The following HSCB variants were observed in gnomAD, a reference collection of about 807,000 sequenced individuals.
HSCB encodes HscB mitochondrial iron-sulfur cluster cochaperone.
HSCB carries 23 observed loss-of-function variants against 31.3 expected under a neutral mutation model. The observed-to-expected ratio is 0.74, with a 90% CI of 0.53 to 1.04. The LOEUF (loss-of-function observed/expected upper bound fraction) is 1.04. Ranked by LOEUF, HSCB falls within the 50% of genes least tolerant of loss-of-function variation. The pLI is 0.00. For synonymous variants in HSCB, 110 were observed against 104.5 expected (o/e 1.05, Z -0.32); for missense variants, 297 against 288.1 (o/e 1.03, Z -0.22).
chr22:28,755,310 T>C (rs1601406764), intron 5 of HSCB, among the ~76,000 whole-genome samples: 2 of 151,892 alleles, frequency 1.3e-5, no homozygotes, highest in East Asian at 4.0e-4. Flanking sequence ...CTCAGGAGGC[T>C]GAGGCAGGAG....
At position 28,753,872 on chromosome 22, in the gene HSCB, C is replaced by T. The variant is rs185869590; in HGVS notation, c.616+2584C>T. On this transcript the variant is annotated intron_variant, in intron 5 of 5. Transcript: ENST00000216027. Reference sequence around the variant, plus strand: ...AGAAATTCTGACACAGGACCGGGCGCGGTGGCTCACGCCTGTAATCCTAGC... The same window carrying T: ...AGAAATTCTGACACAGGACCGGGCGTGGTGGCTCACGCCTGTAATCCTAGC... Among the ~76,000 whole-genome samples, 260 of 151,752 alleles carry T rather than the reference C, an allele frequency of 1.7e-3. 2 individuals carry two copies. The highest frequency in any genetic ancestry group is 6.0e-3 in the African/African-American group (247 of 41,396).
chr22:28,745,009 A>C (rs1205581843), intron 3 of HSCB, among the ~76,000 whole-genome samples: 3 of 150,154 alleles, frequency 2.0e-5, no homozygotes, highest in Non-Finnish European at 4.4e-5. Flanking sequence ...CTTGAGCCTG[A>C]GAGGTCAAGG....
intron 4 of HSCB, among the ~76,000 whole-genome samples, chr22:28,750,469 T>C (rs2030155630): frequency 6.6e-6 from 1 of 152,080 alleles, no homozygotes; most frequent in African/African-American, 2.4e-5. Context: ...TGTTCTTTTG[T>C]GGACACCACA....
At chr22:28,753,453 G>A (rs1188557664) in intron 5 of HSCB, among the ~76,000 whole-genome samples, 1 of 151,570 alleles carries the variant, frequency 6.6e-6, no homozygotes, top group Non-Finnish European at 1.5e-5. Flanking sequence ...GCTTGAACCC[G>A]GGAGACAGAT....
intron 2 of HSCB, 72 bp from the exon 3 acceptor site, chr22:28,744,543 C>CAAAACA (rs986719603): frequency 3.4e-6 from 4 of 1,193,828 alleles, no homozygotes; most frequent in Admixed American, 3.5e-5. Context: ...GACTCAACGT[C>CAAAACA]AAAACAAAAA....
intron 4 of HSCB, among the ~76,000 whole-genome samples, chr22:28,750,247 C>CAAAAAAAAAAAAA (rs563701958): frequency 3.4e-4 from 22 of 64,712 alleles, no homozygotes; most frequent in East Asian, 1.1e-3. Flanking sequence ...GAAACTGTCT[C>CAAAAAAAAAAAAA]AAAAAAAAAA....
intron 4 of HSCB, among the ~76,000 whole-genome samples, chr22:28,748,599 G>A (rs574710872): frequency 1.7e-4 from 26 of 151,130 alleles, no homozygotes; most frequent in Non-Finnish European, 7.4e-5. Context: ...TGCAACCTCC[G>A]CCTCCCAGGT....
At chr22:28,744,777 T>G in intron 3 of HSCB, 73 bp downstream of exon 3, 1 of 1,182,044 alleles carries the variant, frequency 8.5e-7, no homozygotes, top group Non-Finnish European at 1.3e-6. Flanking sequence ...CCACGTCCCC[T>G]TTATTCAGCA....
At chr22:28,748,687 A>AT (rs1192881490) in intron 4 of HSCB, among the ~76,000 whole-genome samples, 1 of 150,452 alleles carries the variant, frequency 6.6e-6, no homozygotes, top group African/African-American at 2.4e-5. Flanking sequence ...TAATTTTTCT[A>AT]TTTTTTTTAA....
chr22:28,745,779 T>C (rs948804400), intron 3 of HSCB, 85 bp from the exon 4 acceptor site: 9 of 1,125,688 alleles, frequency 8.0e-6, no homozygotes, highest in Non-Finnish European at 1.1e-5. Flanking sequence ...CTATTAGTGG[T>C]ATTATTTCCT....
intron 4 of HSCB, among the ~76,000 whole-genome samples, chr22:28,749,209 G>A (rs2030057407): frequency 6.6e-6 from 1 of 151,510 alleles, no homozygotes; most frequent in Non-Finnish European, 1.5e-5. Context: ...CCCTTACAGG[G>A]CCCGGATGCC....
At chr22:28,748,639 A>G (rs955558010) in intron 4 of HSCB, among the ~76,000 whole-genome samples, 1 of 151,854 alleles carries the variant, frequency 6.6e-6, no homozygotes, top group African/African-American at 2.4e-5. Context: ...CTGCCTCCCA[A>G]GTAGCTGGGA....
At chr22:28,749,645 A>G (rs1313137325) in intron 4 of HSCB, among the ~76,000 whole-genome samples, 1 of 152,182 alleles carries the variant, frequency 6.6e-6, no homozygotes, top group Non-Finnish European at 1.5e-5. Flanking sequence ...CAGTAATGAG[A>G]AAAGATGTTT....
intron 5 of HSCB, among the ~76,000 whole-genome samples, chr22:28,751,947 G>C (rs1433322589): frequency 6.6e-6 from 1 of 151,676 alleles, no homozygotes; most frequent in African/African-American, 2.4e-5. Context: ...AAAATTAACT[G>C]AGTGTGGTGG....
chr22:28,754,799 A>ATT (rs34393370), intron 5 of HSCB, among the ~76,000 whole-genome samples: 1 of 146,204 alleles, frequency 6.8e-6, no homozygotes, highest in Non-Finnish European at 1.5e-5. Context: ...TACCAACTTA[A>ATT]TTTTTTTTTT....
In HSCB at chr22:28,742,125, C is replaced by T; in HGVS notation, c.30C>T (p.Leu10=). 6.2e-7 allele frequency: 1 copy of T among 1,609,272 alleles called. No homozygotes were observed. The highest frequency in any genetic ancestry group is 1.1e-5 in the South Asian group (1 of 90,654). Residue 10 remains leucine, a synonymous_variant, in exon 1 of 6, where the codon CTC becomes CTT. Coordinates refer to ENST00000216027, the MANE Select transcript of HSCB (RefSeq NM_172002.5). ...GGCGGGGGAGAGCCGGGGCTTTGCTCCGGGTGTGGGGGTTTTGGCCGACAG... is the reference window on the plus strand; with the variant it reads ...GGCGGGGGAGAGCCGGGGCTTTGCTTCGGGTGTGGGGGTTTTGGCCGACAG... MWRGRAGAL[L]RVWGFWPTGV...
At chr22:28,750,822 A>G (rs2030175699) in intron 4 of HSCB, among the ~76,000 whole-genome samples, 2 of 152,242 alleles carry the variant, frequency 1.3e-5, no homozygotes, top group South Asian at 4.2e-4. Context: ...ACAGTTTGCA[A>G]GTGGTTGCCG....
chr22:28,756,963 T>C, intron 5 of HSCB, 115 bp from the exon 6 acceptor site: 1 of 720,062 alleles, frequency 1.4e-6, no homozygotes, highest in Non-Finnish European at 2.6e-6. Context: ...TACTGAGGAA[T>C]TGATGAGCCC....
At chr22:28,750,703 T>C (rs1366425469) in intron 4 of HSCB, among the ~76,000 whole-genome samples, 5 of 152,228 alleles carry the variant, frequency 3.3e-5, no homozygotes, top group Non-Finnish European at 7.3e-5. Context: ...TTCCTCATTT[T>C]CTAACAAGGA....
Sources: gnomAD v4.1 joint callset for allele counts (sites outside exome capture counted in the v4.1 genomes callset) on GRCh38, gnomAD v4.1.1 for gene constraint, MANE v1.5 for transcripts, NCBI Gene and HGNC (gene_info 2026-07-23, HGNC 2026-07-21) for gene names.